The following BMPR1A variants were observed in gnomAD, a reference collection of about 807,000 sequenced individuals.
BMPR1A encodes the protein bone morphogenetic protein receptor type 1A.
Under a neutral mutation model 66.0 loss-of-function variants are expected in BMPR1A, and 7 were observed. The ratio of observed to expected loss-of-function variants is 0.11; its 90% CI spans 0.06 to 0.20. The LOEUF (loss-of-function observed/expected upper bound fraction) is 0.20, where lower values mean the gene tolerates loss of function less well. Among genes scored for constraint, BMPR1A ranks in the 10% least tolerant of loss-of-function variants. BMPR1A has a pLI of 1.00. For synonymous variants in BMPR1A, 200 were observed against 229.7 expected, an observed-to-expected ratio of 0.87 and a Z score of 1.17; for missense variants, 408 against 669.1, an observed-to-expected ratio of 0.61 and a Z score of 4.31.
At chr10:86,764,070 C>G (rs987073559) in intron 1 of BMPR1A, among the ~76,000 whole-genome samples, 1 of 152,148 alleles carries the variant, frequency 6.6e-6, no homozygotes, top group Non-Finnish European at 1.5e-5. Context: ...GGATTACAGG[C>G]GTGAGCCACC....
chr10:86,870,596 T>A (rs890437824), intron 2 of BMPR1A, among the ~76,000 whole-genome samples: 3 of 152,082 alleles, frequency 2.0e-5, no homozygotes, highest in Non-Finnish European at 4.4e-5. Context: ...CTAATTTTTT[T>A]AAGTTTTTTG....
intron 1 of BMPR1A, among the ~76,000 whole-genome samples, chr10:86,837,565 T>G (rs190950886): frequency 3.0e-4 from 45 of 152,346 alleles, no homozygotes; most frequent in Admixed American, 1.9e-3. Context: ...ATAGTGCATT[T>G]CTTTTCTTGA....
chr10:86,834,514 A>G (rs1255023100), intron 1 of BMPR1A, among the ~76,000 whole-genome samples: 1 of 152,230 alleles, frequency 6.6e-6, no homozygotes, highest in Non-Finnish European at 1.5e-5. Context: ...CTTTTGGACT[A>G]TGGATTTAGT....
chr10:86,793,170 T>C (rs1213833513), intron 1 of BMPR1A, among the ~76,000 whole-genome samples: 1 of 141,448 alleles, frequency 7.1e-6, no homozygotes, highest in Non-Finnish European at 1.5e-5. Flanking sequence ...GCTGGATTTA[T>C]GTTTCGGAAT....
rs1554891661 is a variant in BMPR1A at position 86,923,654 on chromosome 10, C to T, written c.1534C>T (p.Leu512Phe). 1 of 1,614,204 alleles carries T rather than the reference C, an allele frequency of 6.2e-7. No individual in the cohort carries two copies. Among genetic ancestry groups the T allele is most frequent in the Non-Finnish European group, 8.5e-7 (1 of 1,180,028 alleles). Residue 512 changes from leucine (L) to phenylalanine (F), a missense_variant, in exon 13 of 13, where the codon CTC (leucine) becomes TTC (phenylalanine). By Grantham distance (22) the Leu-to-Phe change is conservative (BLOSUM62 0). Transcript: ENST00000372037. ...ECWAHNPASRLTALRIKKTLA... is the reference protein window; with the variant it reads ...ECWAHNPASRFTALRIKKTLA... ...CTGGGCCCACAATCCAGCCTCCAGA[C>T]TCACAGCATTGAGAATTAAGAAGAC...
At chr10:86,788,768 G>A (rs988901849) in intron 1 of BMPR1A, among the ~76,000 whole-genome samples, 2 of 151,862 alleles carry the variant, frequency 1.3e-5, no homozygotes, top group Admixed American at 6.6e-5. Flanking sequence ...CACCATGCCC[G>A]GCTTATTTTT....
At chr10:86,831,063 G>A (rs376955532) in intron 1 of BMPR1A, among the ~76,000 whole-genome samples, 19 of 152,086 alleles carry the variant, frequency 1.2e-4, no homozygotes, top group African/African-American at 2.4e-4. Flanking sequence ...TTATGGCTTC[G>A]TTTATTTTTA....
At chr10:86,918,776 C>T (rs1356538755) in intron 9 of BMPR1A, among the ~76,000 whole-genome samples, 1 of 152,062 alleles carries the variant, frequency 6.6e-6, no homozygotes, top group Non-Finnish European at 1.5e-5. Context: ...GCACTTGCCA[C>T]CATGCCCAAC....
intron 1 of BMPR1A, among the ~76,000 whole-genome samples, chr10:86,769,690 C>T (rs561555387): frequency 5.3e-5 from 8 of 152,300 alleles, no homozygotes; most frequent in African/African-American, 1.2e-4. Context: ...CTTCCCTTCT[C>T]CTTCCCTTGG....
intron 3 of BMPR1A, among the ~76,000 whole-genome samples, chr10:86,878,906 C>T (rs1222168777): frequency 1.3e-5 from 2 of 151,846 alleles, no homozygotes; most frequent in Non-Finnish European, 2.9e-5. Context: ...ATCAATTGGA[C>T]AATTAAAAGG....
intron 7 of BMPR1A, 118 bp from the exon 8 acceptor site, chr10:86,912,122 C>A: frequency 9.1e-7 from 1 of 1,097,042 alleles, no homozygotes; most frequent in Non-Finnish European, 1.3e-6. Context: ...AATGATAAGA[C>A]TAATTTGGAT....
intron 1 of BMPR1A, among the ~76,000 whole-genome samples, chr10:86,770,498 G>C (rs1335845497): frequency 6.6e-6 from 1 of 152,176 alleles, no homozygotes; most frequent in Non-Finnish European, 1.5e-5. Flanking sequence ...TGTCATGAAA[G>C]AACCCCACTT....
chr10:86,840,540 G>A (rs1183776036), intron 2 of BMPR1A, among the ~76,000 whole-genome samples: 1 of 151,456 alleles, frequency 6.6e-6, no homozygotes, highest in East Asian at 1.9e-4. Context: ...TTTTTCTTAT[G>A]TCTTTCCTAG....
intron 1 of BMPR1A, among the ~76,000 whole-genome samples, chr10:86,809,567 T>C (rs1230953467): frequency 6.6e-6 from 1 of 151,336 alleles, no homozygotes; most frequent in African/African-American, 2.4e-5. Context: ...GTCCGGGGAT[T>C]ACAGGAGTAA....
chr10:86,833,648 A>C (rs1013992163), intron 1 of BMPR1A, among the ~76,000 whole-genome samples: 1 of 152,120 alleles, frequency 6.6e-6, no homozygotes, highest in Non-Finnish European at 1.5e-5. Context: ...TTTTATATTG[A>C]TCTTATTCTC....
At chr10:86,866,399 C>CTTTTTTTTTTCT (rs1842785629) in intron 2 of BMPR1A, among the ~76,000 whole-genome samples, 4 of 69,476 alleles carry the variant, frequency 5.8e-5, no homozygotes, top group African/African-American at 2.1e-4. Flanking sequence ...AAGTTTCTTT[C>CTTTTTTTTTTCT]TTTTTTTTTT....
In BMPR1A at chr10:86,873,289, G is replaced by A. The variant is rs7921422; in HGVS notation, c.-152-2578G>A. Among the ~76,000 whole-genome samples the A allele has an allele frequency of 6.7e-3, 1,019 of 152,184 alleles. 10 individuals are homozygous for A. Among genetic ancestry groups the A allele is most frequent in the African/African-American group, 0.023 (955 of 41,516 alleles). On this transcript the variant is annotated intron_variant, in intron 2 of 12. Transcript: ENST00000372037. ...GTACCTAACACTGGGTCGGTAATAC[G>A]TACTCCAGATGCAGGCCAGTTGCAG...
intron 1 of BMPR1A, among the ~76,000 whole-genome samples, chr10:86,805,383 C>A (rs1273292566): frequency 3.3e-5 from 5 of 151,206 alleles, no homozygotes; most frequent in African/African-American, 4.9e-5. Flanking sequence ...CCTGTACACA[C>A]ACACACACAC....
At chr10:86,775,415 A>G (rs994981675) in intron 1 of BMPR1A, among the ~76,000 whole-genome samples, 11 of 152,324 alleles carry the variant, frequency 7.2e-5, no homozygotes, top group African/African-American at 2.4e-4. Context: ...GCTTATCTCA[A>G]CACGAAAGTC....
Sources: gnomAD v4.1 joint callset for allele counts (sites outside exome capture counted in the v4.1 genomes callset) on GRCh38, gnomAD v4.1.1 for gene constraint, MANE v1.5 for transcripts, NCBI Gene and HGNC (gene_info 2026-07-23, HGNC 2026-07-21) for gene names.